The following RNF135 variants were observed in gnomAD, a reference collection of about 807,000 sequenced individuals.
RNF135 encodes E3 ubiquitin-protein ligase RNF135.
A neutral mutation model predicts 41.9 loss-of-function variants in RNF135; 46 were observed. The observed-to-expected ratio is 1.10, with a 90% CI of 0.87 to 1.40. The LOEUF is 1.40. RNF135 is among the 40% of genes most tolerant of loss of function. The pLI is 0.00. For synonymous variants in RNF135, 238 were observed against 223.8 expected (o/e 1.06, Z -0.57); for missense variants, 539 against 549.8 (o/e 0.98, Z 0.20).
At chr17:30,982,128 T>A (rs1907194070) in intron 1 of RNF135, among the ~76,000 whole-genome samples, 1 of 152,212 alleles carries the variant, frequency 6.6e-6, no homozygotes. Flanking sequence ...CTTCCCTTCA[T>A]GGTGGCACAT....
chr17:30,993,599 T>A (rs1908136051), intron 3 of RNF135, among the ~76,000 whole-genome samples: 1 of 152,174 alleles, frequency 6.6e-6, no homozygotes, highest in Non-Finnish European at 1.5e-5. Context: ...CTTAAAATGT[T>A]GCTCTTAACT....
At chr17:30,989,964 A>G (rs1209413078) in intron 3 of RNF135, among the ~76,000 whole-genome samples, 1 of 150,270 alleles carries the variant, frequency 6.7e-6, no homozygotes, top group African/African-American at 2.5e-5. Flanking sequence ...AGCCTGGGCA[A>G]CAAGAGTGAA....
chr17:30,963,701 C>A, the RNF135 span, among the ~76,000 whole-genome samples: 2 of 152,140 alleles, frequency 1.3e-5, no homozygotes, highest in Admixed American at 1.3e-4. Context: ...GTTTTTCATT[C>A]TGTAAGAGTG....
chr17:30,979,880 C>T lies in RNF135; in HGVS notation c.373-4737C>T, dbSNP rs1338725305. On this transcript the variant is annotated intron_variant, in intron 1 of 4. Transcript: ENST00000328381. ...GGGGCTGACCCCCCCACCTCCCTCCCGGGCGGGGCGGCTGGCCGGGCAGAG... is the reference window on the plus strand; with the variant it reads ...GGGGCTGACCCCCCCACCTCCCTCCTGGGCGGGGCGGCTGGCCGGGCAGAG... 6.2e-3 allele frequency among the ~76,000 whole-genome samples: 783 copies of T among 126,006 alleles called. 14 individuals carry two copies. Among genetic ancestry groups the T allele is most frequent in the African/African-American group, 0.023 (731 of 32,128 alleles). The allele number at this position is 126,006 out of a possible 152,430, so 82.7% of individuals were successfully genotyped here. A position where few individuals can be genotyped will look rare whatever the true frequency, so the allele number is the denominator to read the frequency against.
intron 3 of RNF135, among the ~76,000 whole-genome samples, chr17:30,992,492 G>A (rs1209357313): frequency 6.6e-6 from 1 of 151,796 alleles, no homozygotes; most frequent in Non-Finnish European, 1.5e-5. Context: ...TTGAGACAAG[G>A]TCTTACTTTG....
upstream of RNF135, among the ~76,000 whole-genome samples, chr17:30,967,704 C>CT (rs561517645): frequency 0.037 from 5,191 of 138,686 alleles, 133 homozygotes; most frequent in Non-Finnish European, 0.057. Flanking sequence ...GACAAAATTT[C>CT]TTTTTTTTTT....
chr17:30,984,936 G>A (rs1907482198), intron 2 of RNF135, among the ~76,000 whole-genome samples, 176 bp downstream of exon 2: 1 of 152,186 alleles, frequency 6.6e-6, no homozygotes, highest in African/African-American at 2.4e-5. Context: ...AGGTAAGGTT[G>A]GGAAGCTTCA....
chr17:30,974,040 G>A (rs1044803706), intron 1 of RNF135, among the ~76,000 whole-genome samples: 2 of 151,904 alleles, frequency 1.3e-5, no homozygotes, highest in Middle Eastern at 3.2e-3. Flanking sequence ...CCCATCTCTA[G>A]AAAAATACAA....
chr17:30,960,733 TATTTTATTTTA>T, the RNF135 span, among the ~76,000 whole-genome samples: 11 of 138,258 alleles, frequency 8.0e-5, no homozygotes, highest in African/African-American at 3.7e-4. Context: ...TTATTTTATT[TATTTTATTTTA>T]TTTTTTTTTT....
At chr17:30,978,344 C>T (rs1242596027) in intron 1 of RNF135, among the ~76,000 whole-genome samples, 1 of 152,136 alleles carries the variant, frequency 6.6e-6, no homozygotes, top group African/African-American at 2.4e-5. Flanking sequence ...CTTTCTCTAC[C>T]TCCTCTTAAG....
At chr17:30,960,832 C>T in the RNF135 span, among the ~76,000 whole-genome samples, 3 of 151,160 alleles carry the variant, frequency 2.0e-5, no homozygotes, top group Non-Finnish European at 3.0e-5. Context: ...CTCCGCCTCC[C>T]GGGTTCACGC....
At chr17:30,968,292 C>CAA (rs1188089121), upstream of RNF135, among the ~76,000 whole-genome samples, 885 of 127,882 alleles carry the variant, frequency 6.9e-3, 13 homozygotes, top group African/African-American at 0.021. Context: ...GACTCCATCT[C>CAA]AAAAAAAAAA....
intron 3 of RNF135, among the ~76,000 whole-genome samples, chr17:30,989,488 G>C (rs1907838222): frequency 6.6e-6 from 1 of 152,128 alleles, no homozygotes; most frequent in Admixed American, 6.5e-5. Context: ...TCCTGATCCT[G>C]TAGTTTCTCT....
At chr17:30,970,805 C>T (rs1035869958), upstream of RNF135, 8 of 546,482 alleles carry the variant, frequency 1.5e-5, no homozygotes, top group Non-Finnish European at 3.2e-6. Context: ...TTGGAGACCT[C>T]CGCGGGTTTC....
intron 3 of RNF135, among the ~76,000 whole-genome samples, chr17:30,988,853 C>T (rs1907787130): frequency 6.7e-6 from 1 of 148,586 alleles, no homozygotes; most frequent in South Asian, 2.1e-4. Flanking sequence ...GCGATCTTGG[C>T]CAGAATTACA....
intron 2 of RNF135, among the ~76,000 whole-genome samples, chr17:30,987,091 G>A (rs1186215695): frequency 6.6e-6 from 1 of 152,150 alleles, no homozygotes; most frequent in Non-Finnish European, 1.5e-5. Flanking sequence ...GGGCTGTATT[G>A]GGGAAGAACA....
intron 1 of RNF135, among the ~76,000 whole-genome samples, chr17:30,981,290 A>G (rs1470906014): frequency 1.3e-5 from 2 of 150,102 alleles, no homozygotes; most frequent in African/African-American, 5.1e-5. Context: ...GGGAGGTTGC[A>G]GTGAGCCGAG....
At chr17:30,962,713 C>CACCCACT in the RNF135 span, among the ~76,000 whole-genome samples, 14 of 143,662 alleles carry the variant, frequency 9.7e-5, no homozygotes, top group East Asian at 2.4e-3. Flanking sequence ...ATCTGCCTGC[C>CACCCACT]TGGGCCTCCC....
At chr17:30,993,600 G>A (rs565773035) in intron 3 of RNF135, among the ~76,000 whole-genome samples, 13 of 151,784 alleles carry the variant, frequency 8.6e-5, no homozygotes, top group Admixed American at 2.0e-4. Context: ...TTAAAATGTT[G>A]CTCTTAACTG....
Sources: gnomAD v4.1 joint callset for allele counts (sites outside exome capture counted in the v4.1 genomes callset) on GRCh38, gnomAD v4.1.1 for gene constraint, MANE v1.5 for transcripts, NCBI Gene and HGNC (gene_info 2026-07-23, HGNC 2026-07-21) for gene names.